Variants in NELL1 observed in about 807,000 individuals in gnomAD.
NELL1 encodes protein kinase C-binding protein NELL1.
NELL1 carries 76 observed loss-of-function variants against 107.4 expected under a neutral mutation model. The ratio of observed to expected loss-of-function variants is 0.71; its 90% CI spans 0.59 to 0.86. The LOEUF (loss-of-function observed/expected upper bound fraction) is 0.86. Ranked by LOEUF, NELL1 falls within the 40% of genes least tolerant of loss-of-function variation. The pLI, the probability that NELL1 is intolerant of heterozygous loss-of-function variation, is 0.00. For synonymous variants in NELL1, 353 were observed against 341.2 expected (o/e 1.03, Z -0.38); for missense variants, 1,024 against 1,005.5 (o/e 1.02, Z -0.25).
intron 14 of NELL1, among the ~76,000 whole-genome samples, chr11:21,345,986 T>C (rs1399292030): frequency 6.6e-6 from 1 of 152,206 alleles, no homozygotes; most frequent in Non-Finnish European, 1.5e-5. Flanking sequence ...AGTTCCCAAA[T>C]ACATGATAGC....
At chr11:20,781,958 T>C (rs946521977) in intron 2 of NELL1, among the ~76,000 whole-genome samples, 1 of 150,650 alleles carries the variant, frequency 6.6e-6, no homozygotes, top group Non-Finnish European at 1.5e-5. Context: ...GGGAGATCGC[T>C]TGAGCCCGGG....
chr11:21,203,099 T>G (rs985203638), intron 13 of NELL1, among the ~76,000 whole-genome samples: 1 of 152,188 alleles, frequency 6.6e-6, no homozygotes, highest in Non-Finnish European at 1.5e-5. Flanking sequence ...TATATTCTGT[T>G]GATCTGAGGT....
chr11:20,902,366 A>C (rs1849894805), intron 5 of NELL1, among the ~76,000 whole-genome samples: 1 of 152,130 alleles, frequency 6.6e-6, no homozygotes, highest in African/African-American at 2.4e-5. Context: ...GAACATATTG[A>C]AAGTAATTCA....
At chr11:21,103,636 A>G (rs1854876772) in intron 12 of NELL1, among the ~76,000 whole-genome samples, 1 of 152,302 alleles carries the variant, frequency 6.6e-6, no homozygotes, top group African/African-American at 2.4e-5. Context: ...AGAGATAAAG[A>G]GGATATAGAC....
intron 12 of NELL1, among the ~76,000 whole-genome samples, chr11:20,973,850 G>T (rs115471517): frequency 2.0e-5 from 3 of 152,244 alleles, no homozygotes; most frequent in African/African-American, 7.2e-5. Context: ...TGCTACTGCC[G>T]AATGCTGAAT....
intron 14 of NELL1, among the ~76,000 whole-genome samples, chr11:21,293,403 A>G (rs950837527): frequency 1.3e-5 from 2 of 152,206 alleles, no homozygotes; most frequent in Non-Finnish European, 2.9e-5. Flanking sequence ...GCCAGTTACA[A>G]TGACGATCAT....
chr11:20,974,438 C>T (rs543852525), intron 12 of NELL1, among the ~76,000 whole-genome samples: 26 of 151,728 alleles, frequency 1.7e-4, no homozygotes, highest in East Asian at 1.5e-3. Flanking sequence ...CCCTATAAGA[C>T]GATCCAGAGG....
Position 21,103,441 on chromosome 11 carries a change from C to T in NELL1, c.1301-10148C>T, listed in dbSNP as rs192950646. Among the ~76,000 whole-genome samples, 376 of 152,172 alleles carry T rather than the reference C, an allele frequency of 2.5e-3. 3 individuals are homozygous for T. Among genetic ancestry groups the T allele is most frequent in the African/African-American group, 8.4e-3 (348 of 41,518 alleles). On this transcript the variant is annotated intron_variant, in intron 12 of 19. Transcript: ENST00000357134. Reference sequence around the variant, plus strand: ...GAGTAGATGCCAGGGGCTAAAATTCCCCAGAGGTCACCTTCCTGCTAGTTA... The same window carrying T: ...GAGTAGATGCCAGGGGCTAAAATTCTCCAGAGGTCACCTTCCTGCTAGTTA...
At chr11:21,187,668 A>G (rs1330209370) in intron 13 of NELL1, among the ~76,000 whole-genome samples, 1 of 151,754 alleles carries the variant, frequency 6.6e-6, no homozygotes, top group African/African-American at 2.4e-5. Context: ...TCTTCTGTCC[A>G]AGTTGTCTAT....
At position 21,106,868 on chromosome 11, in the gene NELL1, T is replaced by C. The variant is rs148968859; in HGVS notation, c.1301-6721T>C. On this transcript the variant is annotated intron_variant, in intron 12 of 19. Coordinates refer to ENST00000357134, the MANE Select transcript of NELL1 (RefSeq NM_006157.5). ...TTTCAGAATTAGAAGACTTTGATTCTATTCCCAGTGCAATGATTATCTGTG... is the reference window on the plus strand; with the variant it reads ...TTTCAGAATTAGAAGACTTTGATTCCATTCCCAGTGCAATGATTATCTGTG... 1.2e-4 allele frequency among the ~76,000 whole-genome samples: 18 copies of C among 152,308 alleles called. No individual in the cohort carries two copies. The East Asian group carries it at 3.1e-3, about 26-fold the overall frequency.
chr11:20,874,606 T>C (rs528700995), intron 4 of NELL1, among the ~76,000 whole-genome samples: 2 of 152,348 alleles, frequency 1.3e-5, no homozygotes, highest in Admixed American at 1.3e-4. Flanking sequence ...AGGCAGCTCT[T>C]ATAAATTTTG....
chr11:21,182,131 G>C (rs2133825004), intron 13 of NELL1, among the ~76,000 whole-genome samples: 1 of 151,964 alleles, frequency 6.6e-6, no homozygotes, highest in East Asian at 1.9e-4. Context: ...CAGAGCCTGT[G>C]CTCTTAAGAA....
At chr11:20,769,573 C>G (rs868507357) in intron 2 of NELL1, 1 of 152,262 alleles carries the variant, frequency 6.6e-6, no homozygotes, top group African/African-American at 2.4e-5. Context: ...ACATACTCCA[C>G]AAATACATCT....
intron 14 of NELL1, among the ~76,000 whole-genome samples, chr11:21,337,765 T>TTTCTTTCTTTCC (rs1850448531): frequency 6.9e-6 from 1 of 144,450 alleles, no homozygotes; most frequent in East Asian, 2.0e-4. Flanking sequence ...TCTTTCTTTC[T>TTTCTTTCTTTCC]TTCTTTCTTT....
chr11:20,698,298 C>G (rs1016081744), intron 2 of NELL1, among the ~76,000 whole-genome samples: 1 of 152,112 alleles, frequency 6.6e-6, no homozygotes, highest in East Asian at 1.9e-4. Context: ...TTGTGATTAT[C>G]GTAGAGCAAA....
chr11:21,231,353 T>C (rs1414604820), intron 14 of NELL1, among the ~76,000 whole-genome samples: 1 of 152,186 alleles, frequency 6.6e-6, no homozygotes, highest in African/African-American at 2.4e-5. Context: ...TATTTGCACT[T>C]CTTCCAGTGG....
At chr11:20,986,164 C>T (rs2134250317) in intron 12 of NELL1, among the ~76,000 whole-genome samples, 1 of 152,266 alleles carries the variant, frequency 6.6e-6, no homozygotes, top group East Asian at 1.9e-4. Context: ...TTGTGATACA[C>T]CCAGCCCTCT....
At chr11:20,863,612 T>C (rs552664166) in intron 4 of NELL1, among the ~76,000 whole-genome samples, 273 of 147,702 alleles carry the variant, frequency 1.8e-3, no homozygotes, top group Non-Finnish European at 3.2e-3. Flanking sequence ...GAGGCGGTCC[T>C]CACCTCCCAG....
At chr11:21,303,445 T>G (rs1423976634) in intron 14 of NELL1, among the ~76,000 whole-genome samples, 1 of 152,046 alleles carries the variant, frequency 6.6e-6, no homozygotes, top group African/African-American at 2.4e-5. Flanking sequence ...CTAGTCAGAA[T>G]TGCTATTATT....
Sources: allele counts gnomAD v4.1 joint callset (sites outside exome capture counted in the v4.1 genomes callset), GRCh38; gene constraint gnomAD v4.1.1; transcripts MANE v1.5; gene names NCBI Gene and HGNC (gene_info 2026-07-23, HGNC 2026-07-21).